Variants in GRIP1 observed in about 807,000 individuals in gnomAD.
GRIP1 encodes the protein glutamate receptor-interacting protein 1.
In GRIP1, 45 loss-of-function variants were observed where a neutral mutation model predicts 129.9. That is an observed-to-expected ratio of 0.35 (90% CI 0.27 to 0.44). The LOEUF (loss-of-function observed/expected upper bound fraction) is 0.44. Among genes scored for constraint, GRIP1 ranks in the 20% least tolerant of loss-of-function variants. The pLI, the probability that GRIP1 is intolerant of heterozygous loss-of-function variation, is 1.00. For missense variants in GRIP1, 1,196 were observed against 1,396.8 expected, an observed-to-expected ratio of 0.86 and a Z score of 2.29; for synonymous variants, 530 against 520.8, an observed-to-expected ratio of 1.02 and a Z score of -0.24.
intron 1 of GRIP1, among the ~76,000 whole-genome samples, chr12:67,009,339 A>G (rs1479100088): frequency 1.3e-5 from 2 of 152,186 alleles, no homozygotes; most frequent in Non-Finnish European, 2.9e-5. Context: ...ATGGAGGAAG[A>G]TGCTTATCTT....
At chr12:66,582,117 A>G (rs112312809) in intron 2 of GRIP1, among the ~76,000 whole-genome samples, 34,326 of 151,642 alleles carry the variant, frequency 0.23, 4,156 homozygotes, top group Admixed American at 0.27. Flanking sequence ...AAATCAATAA[A>G]TGTAATCCAG....
chr12:67,024,775 C>CAA (rs138461029), intron 1 of GRIP1, among the ~76,000 whole-genome samples: 1 of 151,454 alleles, frequency 6.6e-6, no homozygotes, highest in Admixed American at 6.6e-5. Flanking sequence ...GGTACAATGA[C>CAA]AAAAAAAAGA....
At chr12:66,813,979 G>A (rs1441480542) in intron 1 of GRIP1, among the ~76,000 whole-genome samples, 1 of 152,174 alleles carries the variant, frequency 6.6e-6, no homozygotes, top group Non-Finnish European at 1.5e-5. Flanking sequence ...GACTTTTGGT[G>A]TGAATAACTG....
intron 1 of GRIP1, among the ~76,000 whole-genome samples, chr12:66,997,497 C>T (rs2042485835): frequency 1.3e-5 from 2 of 151,968 alleles, no homozygotes; most frequent in South Asian, 4.2e-4. Context: ...TAAGTTCTCA[C>T]CAACGACAAT....
intron 1 of GRIP1, among the ~76,000 whole-genome samples, chr12:66,689,177 A>T (rs2034889322): frequency 6.6e-6 from 1 of 152,220 alleles, no homozygotes; most frequent in Non-Finnish European, 1.5e-5. Flanking sequence ...GACAGGAAGG[A>T]TCATGGGATC....
chr12:66,608,950 TTATTATTA>T (rs60354851), intron 1 of GRIP1, among the ~76,000 whole-genome samples: 45 of 143,170 alleles, frequency 3.1e-4, no homozygotes, highest in Middle Eastern at 3.7e-3. Context: ...ATTATTATTA[TTATTATTA>T]TATTATATAT....
intron 14 of GRIP1, among the ~76,000 whole-genome samples, chr12:66,425,681 A>T (rs2057959039): frequency 6.6e-6 from 1 of 152,218 alleles, no homozygotes; most frequent in Non-Finnish European, 1.5e-5. Flanking sequence ...AGGGACATGG[A>T]TGAAGCTGGA....
intron 2 of GRIP1, among the ~76,000 whole-genome samples, chr12:66,575,324 A>G (rs1233710722): frequency 6.6e-6 from 1 of 152,220 alleles, no homozygotes; most frequent in East Asian, 1.9e-4. Flanking sequence ...TTATTAAAGG[A>G]TATATTCCCA....
intron 1 of GRIP1, among the ~76,000 whole-genome samples, chr12:66,943,973 A>C (rs537000446): frequency 3.5e-4 from 53 of 152,282 alleles, no homozygotes; most frequent in African/African-American, 1.2e-3. Context: ...CTTTAAATCT[A>C]TCATCTCTAA....
At chr12:66,552,538 AGGCCG>A (rs2062176219) in intron 2 of GRIP1, among the ~76,000 whole-genome samples, 1 of 152,178 alleles carries the variant, frequency 6.6e-6, no homozygotes, top group Non-Finnish European at 1.5e-5. Flanking sequence ...TCCTTTCATT[AGGCCG>A]AACTTCATGT....
chr12:66,943,602 A>AT (rs1434316121), intron 1 of GRIP1, among the ~76,000 whole-genome samples: 1 of 152,202 alleles, frequency 6.6e-6, no homozygotes, highest in East Asian at 1.9e-4. Flanking sequence ...CCTCTATTCA[A>AT]TTTTTTCAAG....
At chr12:66,375,068 A>G (rs2055720353) in intron 22 of GRIP1, among the ~76,000 whole-genome samples, 1 of 152,170 alleles carries the variant, frequency 6.6e-6, no homozygotes. Context: ...TTCTTATATT[A>G]TGCTAAACAA....
intron 1 of GRIP1, among the ~76,000 whole-genome samples, chr12:66,733,564 T>A (rs1307079972): frequency 6.6e-6 from 1 of 152,070 alleles, no homozygotes; most frequent in Non-Finnish European, 1.5e-5. Context: ...GTTAAGGATG[T>A]CCAAGCAGGA....
intron 1 of GRIP1, among the ~76,000 whole-genome samples, chr12:66,636,339 G>A (rs550896274): frequency 9.2e-5 from 14 of 152,154 alleles, no homozygotes; most frequent in African/African-American, 2.9e-4. Flanking sequence ...TTGTGTTAAC[G>A]GTTGTACAAC....
At chr12:66,987,799 C>T (rs993940727) in intron 1 of GRIP1, among the ~76,000 whole-genome samples, 30 of 152,162 alleles carry the variant, frequency 2.0e-4, no homozygotes, top group African/African-American at 7.0e-4. Context: ...AGTTAGAAAA[C>T]ATCCCTTCTC....
intron 1 of GRIP1, among the ~76,000 whole-genome samples, chr12:66,993,135 G>A: frequency 6.7e-6 from 1 of 149,604 alleles, no homozygotes; most frequent in Non-Finnish European, 1.5e-5. Context: ...TATCACAAAG[G>A]AAATTAGGAA....
intron 1 of GRIP1, among the ~76,000 whole-genome samples, chr12:66,766,850 A>C (rs1244363703): frequency 1.3e-5 from 2 of 152,214 alleles, no homozygotes; most frequent in Non-Finnish European, 2.9e-5. Flanking sequence ...TATTCCCAGC[A>C]AGTGAAGTGT....
chr12:66,929,676 A>G (rs1210380441), intron 1 of GRIP1, among the ~76,000 whole-genome samples: 1 of 152,172 alleles, frequency 6.6e-6, no homozygotes, highest in Non-Finnish European at 1.5e-5. Context: ...TCTAAGCACA[A>G]CTGAAATCTT....
At chr12:67,058,361 A>G (rs752620992) in intron 1 of GRIP1, among the ~76,000 whole-genome samples, 1 of 152,228 alleles carries the variant, frequency 6.6e-6, no homozygotes, top group African/African-American at 2.4e-5. Context: ...ACAATAAATG[A>G]AAGTGAAAAA....
Sources: allele counts gnomAD v4.1 joint callset (sites outside exome capture counted in the v4.1 genomes callset), GRCh38; gene constraint gnomAD v4.1.1; transcripts MANE v1.5; gene names NCBI Gene and HGNC (gene_info 2026-07-23, HGNC 2026-07-21).